Variants in AK3 observed in about 807,000 individuals in gnomAD.
AK3 encodes GTP:AMP phosphotransferase AK3, mitochondrial.
A neutral mutation model predicts 23.7 loss-of-function variants in AK3; 27 were observed. The observed-to-expected ratio is 1.14, with a 90% CI of 0.84 to 1.57. The LOEUF is 1.57. Among genes scored for constraint, AK3 ranks in the 40% most tolerant of loss-of-function variants. The pLI is 0.00. For synonymous variants in AK3, 159 were observed against 116.0 expected, an observed-to-expected ratio of 1.37 and a Z score of -2.38; for missense variants, 406 against 285.6, an observed-to-expected ratio of 1.42 and a Z score of -3.04.
chr9:4,727,658 T>A (rs1032170644), intron 1 of AK3, among the ~76,000 whole-genome samples: 2 of 152,212 alleles, frequency 1.3e-5, no homozygotes, highest in African/African-American at 4.8e-5. Context: ...TTTGCTTTCT[T>A]GTGCTCCAGT....
chr9:4,718,306 C>T, intron 4 of AK3, 113 bp downstream of exon 4: 2 of 763,816 alleles, frequency 2.6e-6, no homozygotes, highest in Non-Finnish European at 4.6e-6. Flanking sequence ...TTACTTAAGC[C>T]CATGTGAACT....
intron 1 of AK3, among the ~76,000 whole-genome samples, chr9:4,737,781 T>C (rs1161669148): frequency 1.3e-5 from 2 of 152,160 alleles, no homozygotes; most frequent in Admixed American, 1.3e-4. Context: ...AGATTCAAGT[T>C]CCCTGACTCC....
At chr9:4,715,968 G>C (rs1179181370) in intron 4 of AK3, among the ~76,000 whole-genome samples, 2 of 152,128 alleles carry the variant, frequency 1.3e-5, no homozygotes, top group African/African-American at 2.4e-5. Flanking sequence ...TGGCAAAAGA[G>C]GCTCTTTGCT....
intron 4 of AK3, among the ~76,000 whole-genome samples, chr9:4,717,645 T>C (rs760074690): frequency 3.7e-4 from 57 of 152,222 alleles, no homozygotes; most frequent in Non-Finnish European, 6.2e-4. Flanking sequence ...ATAGAAATTG[T>C]ACCTCGAGCA....
intron 1 of AK3, among the ~76,000 whole-genome samples, chr9:4,738,917 G>A (rs1049557220): frequency 1.3e-5 from 2 of 151,804 alleles, no homozygotes; most frequent in Non-Finnish European, 2.9e-5. Flanking sequence ...GACCACAGGC[G>A]CGAGCCACCA....
chr9:4,730,352 T>G (rs1464986051), intron 1 of AK3, among the ~76,000 whole-genome samples: 4 of 152,130 alleles, frequency 2.6e-5, no homozygotes, highest in African/African-American at 9.7e-5. Context: ...TCAATACAGA[T>G]TTTGTTTTTT....
At chr9:4,725,085 T>G (rs1013290439) in intron 1 of AK3, among the ~76,000 whole-genome samples, 9 of 149,502 alleles carry the variant, frequency 6.0e-5, no homozygotes, top group Non-Finnish European at 1.2e-4. Context: ...TGCAATGATG[T>G]AATCTTGGCT....
rs145119139 is a variant in AK3, at chr9:4,725,491, G to A, written c.152-2866C>T. Among the ~76,000 whole-genome samples the A allele has an allele frequency of 3.6e-4, 54 of 152,028 alleles. No individual in the cohort carries two copies. The East Asian group carries it at 8.9e-3, about 25-fold the overall frequency. On this transcript the variant is annotated intron_variant, in intron 1 of 4. Transcript: ENST00000381809. The stretch of plus-strand genomic sequence containing the variant: ...AGAACATCATTAAGAAAGTGAGGCC[G>A]GGTGCAGTGGCTCCTGCCTGTAATC...
At chr9:4,719,021 T>C (rs1200578218) in intron 3 of AK3, 114 bp downstream of exon 3, 3 of 1,209,710 alleles carry the variant, frequency 2.5e-6, no homozygotes, top group Non-Finnish European at 2.3e-6. Context: ...AACCTGAGAA[T>C]ATACCCTCAG....
intron 1 of AK3, among the ~76,000 whole-genome samples, chr9:4,739,661 G>A (rs1026811037): frequency 1.1e-4 from 16 of 152,090 alleles, no homozygotes; most frequent in Admixed American, 4.6e-4. Flanking sequence ...GCCGGGCGCG[G>A]TGGCTCACGC....
chr9:4,729,552 T>C (rs1026887650), intron 1 of AK3, among the ~76,000 whole-genome samples: 2 of 151,960 alleles, frequency 1.3e-5, no homozygotes, highest in South Asian at 4.2e-4. Flanking sequence ...TAAAAACATA[T>C]GGCCAGCTGT....
chr9:4,712,943 C>A lies in AK3; in HGVS notation c.*33G>T. ...AAATGCAAGGACTAGGAGGTTTGCCCATCTTACTATTAATAGTTACACACA... is the reference window on the plus strand; with the variant it reads ...AAATGCAAGGACTAGGAGGTTTGCCAATCTTACTATTAATAGTTACACACA... On this transcript the variant is annotated 3_prime_UTR_variant, in exon 5 of 5. Transcript: ENST00000381809. 1 of 1,603,198 alleles carries A rather than the reference C, an allele frequency of 6.2e-7. No homozygotes were observed. The highest frequency in any genetic ancestry group is 1.1e-5 in the South Asian group (1 of 89,396).
chr9:4,740,993 T>G lies in AK3; in HGVS notation c.95A>C (p.Glu32Ala), dbSNP rs374607747. 6.3e-7 allele frequency: 1 copy of G among 1,594,366 alleles called. No homozygotes were observed. The highest frequency in any genetic ancestry group is 8.5e-7 in the Non-Finnish European group (1 of 1,172,342). Residue 32 changes from glutamate (E) to alanine (A), a missense_variant, in exon 1 of 5, where the codon GAG becomes GCG. Coordinates refer to ENST00000381809, the MANE Select transcript of AK3 (RefSeq NM_016282.4). ...GTCCCCGCTGGAGAGGTGCTTCAGC[T>G]CGAAGTGTGTAGTGATGCGCGACGA... Reference protein sequence around the residue: ...TVSSRITTHFELKHLSSGDLL... With the variant: ...TVSSRITTHFALKHLSSGDLL...
At chr9:4,732,069 C>A (rs150712131) in intron 1 of AK3, among the ~76,000 whole-genome samples, 227 of 152,296 alleles carry the variant, frequency 1.5e-3, no homozygotes, top group African/African-American at 5.4e-3. Context: ...CCCACCTCAA[C>A]CTCCCAAGTA....
At chr9:4,713,876 C>T in intron 4 of AK3, among the ~76,000 whole-genome samples, 2 of 9,962 alleles carry the variant, frequency 2.0e-4, no homozygotes, top group Admixed American at 1.2e-3. Context: ...TTGCTAATAC[C>T]CGTCCTCTAG....
intron 1 of AK3, among the ~76,000 whole-genome samples, chr9:4,735,478 A>ATATATATATATATATTT (rs1295633089): frequency 4.8e-5 from 3 of 62,600 alleles, no homozygotes; most frequent in African/African-American, 2.0e-4. Flanking sequence ...ATATATATAT[A>ATATATATATATATATTT]TTTTTTTTTT....
intron 3 of AK3, 120 bp from the exon 4 acceptor site, chr9:4,718,657 A>C: frequency 1.4e-6 from 1 of 733,092 alleles, no homozygotes; most frequent in East Asian, 2.7e-5. Context: ...AAAATGTGCT[A>C]ACTTTTAAAA....
chr9:4,737,515 G>C (rs1842324488), intron 1 of AK3, among the ~76,000 whole-genome samples: 1 of 152,200 alleles, frequency 6.6e-6, no homozygotes, highest in Non-Finnish European at 1.5e-5. Flanking sequence ...GAGGTCAGGA[G>C]TTCGAGACCA....
At chr9:4,741,300 C>G (rs968893817), upstream of AK3, 1 of 434,410 alleles carries the variant, frequency 2.3e-6, no homozygotes, top group Non-Finnish European at 3.8e-6. Context: ...GCTACCCCGG[C>G]GCACCCCCCG....
Sources: gnomAD v4.1 joint callset for allele counts (sites outside exome capture counted in the v4.1 genomes callset) on GRCh38, gnomAD v4.1.1 for gene constraint, MANE v1.5 for transcripts, NCBI Gene and HGNC (gene_info 2026-07-23, HGNC 2026-07-21) for gene names.